The following CNTN1 variants were observed in gnomAD, a reference collection of about 807,000 sequenced individuals.
CNTN1 encodes contactin 1.
Under a neutral mutation model 126.4 loss-of-function variants are expected in CNTN1, and 38 were observed. The ratio of observed to expected loss-of-function variants is 0.30; its 90% CI spans 0.23 to 0.39. CNTN1 has a LOEUF of 0.39. Among genes scored for constraint, CNTN1 ranks in the 10% least tolerant of loss-of-function variants. The probability of loss-of-function intolerance (pLI) is 1.00; values close to 1 mark genes in which losing one functional copy is unlikely to be tolerated. For missense variants in CNTN1, 1,009 were observed against 1,248.4 expected (o/e 0.81, Z 2.89); for synonymous variants, 413 against 422.6 (o/e 0.98, Z 0.28).
At chr12:41,063,943 G>T (rs1041290662) in intron 23 of CNTN1, among the ~76,000 whole-genome samples, 1 of 152,058 alleles carries the variant, frequency 6.6e-6, no homozygotes, top group African/African-American at 2.4e-5. Flanking sequence ...TTGGGAAGCC[G>T]AGGCGGGCGG....
intron 15 of CNTN1, among the ~76,000 whole-genome samples, chr12:40,961,846 G>T (rs1303422600): frequency 1.3e-5 from 2 of 152,032 alleles, no homozygotes; most frequent in African/African-American, 4.8e-5. Flanking sequence ...GCTTTTAAAA[G>T]ATTCGATTTG....
chr12:40,848,873 G>GA (rs1394350670), intron 1 of CNTN1, among the ~76,000 whole-genome samples: 1 of 149,098 alleles, frequency 6.7e-6, no homozygotes, highest in Admixed American at 6.7e-5. Context: ...TTATAAAGGA[G>GA]AAAAATCACT....
intron 23 of CNTN1, among the ~76,000 whole-genome samples, chr12:41,048,173 C>A (rs1040506540): frequency 2.6e-5 from 4 of 152,098 alleles, no homozygotes; most frequent in Non-Finnish European, 4.4e-5. Context: ...TAAAGGTGGC[C>A]AGAGAAGAAT....
chr12:40,707,484 C>T (rs11177961), intron 1 of CNTN1, among the ~76,000 whole-genome samples: 92,601 of 151,636 alleles, frequency 0.61, 29,060 homozygotes, highest in East Asian at 0.84. Flanking sequence ...GATCTCCTGA[C>T]CTCATGATCT....
At chr12:41,063,246 C>T (rs1214910943) in intron 23 of CNTN1, among the ~76,000 whole-genome samples, 2 of 152,288 alleles carry the variant, frequency 1.3e-5, no homozygotes, top group East Asian at 3.9e-4. Context: ...TAGCCTCAAG[C>T]AATTGGGAAA....
At chr12:41,014,586 G>C (rs929721416) in intron 18 of CNTN1, among the ~76,000 whole-genome samples, 3 of 152,104 alleles carry the variant, frequency 2.0e-5, no homozygotes, top group Non-Finnish European at 4.4e-5. Flanking sequence ...TTGTAGTCTG[G>C]TAATCTAATT....
At chr12:40,989,255 A>C (rs1048467373) in intron 16 of CNTN1, among the ~76,000 whole-genome samples, 2 of 152,202 alleles carry the variant, frequency 1.3e-5, no homozygotes, top group Non-Finnish European at 1.5e-5. Context: ...AAGGAATAGG[A>C]AAGAAGATTG....
intron 1 of CNTN1, among the ~76,000 whole-genome samples, chr12:40,695,389 A>T (rs762754097): frequency 2.0e-5 from 3 of 152,206 alleles, no homozygotes; most frequent in Non-Finnish European, 4.4e-5. Context: ...TCGGTTCTAC[A>T]GTAGGGATTA....
intron 1 of CNTN1, among the ~76,000 whole-genome samples, chr12:40,876,390 T>A (rs1304928344): frequency 6.6e-6 from 1 of 152,066 alleles, no homozygotes; most frequent in Non-Finnish European, 1.5e-5. Flanking sequence ...CCCAACAATT[T>A]GTATAGTAAA....
chr12:40,976,359 T>G (rs1411361578), intron 15 of CNTN1, among the ~76,000 whole-genome samples: 1 of 152,142 alleles, frequency 6.6e-6, no homozygotes, highest in Non-Finnish European at 1.5e-5. Flanking sequence ...CTCTTTTATG[T>G]TAACTTTGGG....
chr12:40,807,360 CTCTAG>C (rs762959430), intron 1 of CNTN1, among the ~76,000 whole-genome samples: 1 of 151,970 alleles, frequency 6.6e-6, no homozygotes, highest in Non-Finnish European at 1.5e-5. Context: ...GTGAGTAGTT[CTCTAG>C]TCTAGAGAGT....
intron 15 of CNTN1, chr12:40,971,664 C>T (rs992594960): frequency 1.4e-6 from 2 of 1,447,014 alleles, no homozygotes; most frequent in African/African-American, 1.5e-5. Flanking sequence ...TGTAAACATA[C>T]TTTGGGCATA....
At chr12:40,942,904 A>G (rs139159340) in intron 12 of CNTN1, among the ~76,000 whole-genome samples, 1 of 152,230 alleles carries the variant, frequency 6.6e-6, no homozygotes, top group African/African-American at 2.4e-5. Flanking sequence ...AAATGGATAT[A>G]CGTTTGCATG....
intron 23 of CNTN1, among the ~76,000 whole-genome samples, chr12:41,044,469 G>A (rs1949495976): frequency 6.6e-6 from 1 of 152,054 alleles, no homozygotes; most frequent in Non-Finnish European, 1.5e-5. Flanking sequence ...AATATTTAAG[G>A]ATTGGTTTAC....
At chr12:40,731,071 GA>G (rs1435756403) in intron 1 of CNTN1, among the ~76,000 whole-genome samples, 19 of 151,774 alleles carry the variant, frequency 1.3e-4, no homozygotes, top group Non-Finnish European at 2.4e-4. Flanking sequence ...GAGTAAAGAA[GA>G]AAAAAGTCAC....
intron 1 of CNTN1, among the ~76,000 whole-genome samples, chr12:40,882,974 A>T (rs1388759089): frequency 6.6e-6 from 1 of 151,582 alleles, no homozygotes; most frequent in African/African-American, 2.4e-5. Context: ...AATATTTAAG[A>T]TGCATCTGAT....
At chr12:40,949,191 T>G (rs1384095386) in intron 14 of CNTN1, among the ~76,000 whole-genome samples, 2 of 114,116 alleles carry the variant, frequency 1.8e-5, no homozygotes, top group Non-Finnish European at 3.7e-5. Context: ...AAAACAGAAG[T>G]CAATTTGTTT....
intron 17 of CNTN1, among the ~76,000 whole-genome samples, chr12:41,007,061 T>A (rs1387061717): frequency 7.8e-6 from 1 of 128,936 alleles, no homozygotes; most frequent in African/African-American, 3.0e-5. Flanking sequence ...TTTTTTTTTT[T>A]TTTTTTTTTT....
chr12:41,027,339 G>A (rs542691669), intron 21 of CNTN1, among the ~76,000 whole-genome samples: 23 of 152,136 alleles, frequency 1.5e-4, no homozygotes, highest in African/African-American at 4.6e-4. Context: ...CATAGATGAA[G>A]TCCTAAATCA....
Sources: allele counts gnomAD v4.1 joint callset (sites outside exome capture counted in the v4.1 genomes callset), GRCh38; gene constraint gnomAD v4.1.1; transcripts MANE v1.5; gene names NCBI Gene and HGNC (gene_info 2026-07-23, HGNC 2026-07-21).